The following RIPK2 variants were observed in gnomAD, a reference collection of about 807,000 sequenced individuals.
The protein encoded by RIPK2 is receptor-interacting serine/threonine-protein kinase 2.
In RIPK2, 38 loss-of-function variants were observed where a neutral mutation model predicts 60.9. The observed-to-expected ratio is 0.62, with a 90% CI of 0.48 to 0.82. The LOEUF (loss-of-function observed/expected upper bound fraction) is 0.82. Among genes scored for constraint, RIPK2 ranks in the 40% least tolerant of loss-of-function variants. The probability of loss-of-function intolerance (pLI) is 0.00; values close to 1 mark genes in which losing one functional copy is unlikely to be tolerated. For synonymous variants in RIPK2, 225 were observed against 223.4 expected (o/e 1.01, Z -0.06); for missense variants, 518 against 647.0 (o/e 0.80, Z 2.16).
At chr8:89,772,943 A>C in intron 6 of RIPK2, 115 bp downstream of exon 6, 1 of 611,968 alleles carries the variant, frequency 1.6e-6, no homozygotes, top group Admixed American at 3.9e-5. Flanking sequence ...AAGTTGTTTA[A>C]ATTATTTTCT....
chr8:89,782,686 ATTTGT>A (rs1402564411), intron 7 of RIPK2, among the ~76,000 whole-genome samples: 2 of 152,064 alleles, frequency 1.3e-5, no homozygotes, highest in Non-Finnish European at 2.9e-5. Flanking sequence ...TAGTAGGGAA[ATTTGT>A]TTTGAGTTTC....
chr8:89,773,036 A>C (rs567656868), intron 6 of RIPK2, among the ~76,000 whole-genome samples: 1 of 152,298 alleles, frequency 6.6e-6, no homozygotes, highest in South Asian at 2.1e-4. Flanking sequence ...ATCGTGTGAT[A>C]GGAGTAACAA....
At chr8:89,789,523 G>A in intron 10 of RIPK2, 41 bp downstream of exon 10, 1 of 1,566,170 alleles carries the variant, frequency 6.4e-7, no homozygotes. Context: ...TGATGCCATT[G>A]ACCTTACATA....
intron 5 of RIPK2, among the ~76,000 whole-genome samples, chr8:89,772,349 A>G (rs984281321): frequency 6.6e-6 from 1 of 152,006 alleles, no homozygotes; most frequent in Non-Finnish European, 1.5e-5. Flanking sequence ...TTTCTCATTC[A>G]CATTAAATAT....
At position 89,771,774 on chromosome 8, in the gene RIPK2, A is replaced by C. The variant is rs771367917; in HGVS notation, c.675A>C (p.Arg225Ser). The change falls in exon 5 of 11, where the codon AGA becomes AGC. Residue 225 changes from arginine (R) to serine (S), a missense_variant. Coordinates refer to ENST00000220751, the MANE Select transcript of RIPK2 (RefSeq NM_003821.6). ...TTATCACATGGGAAGTGTTATCCAG[A>C]AAACAGCCTTTTGAAGGTAAGTATG... ...YAVITWEVLSRKQPFEDVTNP... is the reference protein window; with the variant it reads ...YAVITWEVLSSKQPFEDVTNP... 6.2e-7 allele frequency: 1 copy of C among 1,605,110 alleles called. No homozygotes were observed. Among genetic ancestry groups the C allele is most frequent in the South Asian group, 1.1e-5 (1 of 90,320 alleles).
Position 89,779,310 on chromosome 8 carries a change from G to GTTTTTTTTTTTTTT in RIPK2, c.854-756_854-743dup, listed in dbSNP as rs55784154. Among the ~76,000 whole-genome samples the GTTTTTTTTTTTTTT allele has an allele frequency of 1.0e-4, 8 of 79,112 alleles. 1 individual carries two copies. The highest frequency in any genetic ancestry group is 1.1e-4 in the Non-Finnish European group (5 of 47,178). 51.9% of individuals were successfully genotyped at this position (79,112 alleles called of 152,430 possible). ...AGTCCAATTTTTAGGCGGTTTTTGG[G>GTTTTTTTTTTTTTT]TTTTTTTTTTTTTTTTTTTTTTGAG... On this transcript the variant is annotated intron_variant, in intron 6 of 10. Transcript: ENST00000220751.
chr8:89,763,123 A>C (rs1353311556), intron 2 of RIPK2, 141 bp downstream of exon 2: 1 of 519,160 alleles, frequency 1.9e-6, no homozygotes, highest in Non-Finnish European at 3.0e-6. Flanking sequence ...ACAGGGATAA[A>C]ATTTTACCTT....
chr8:89,771,795 G>T lies in RIPK2; in HGVS notation c.691+5G>T, dbSNP rs995733223. 1.3e-6 allele frequency: 2 copies of T among 1,596,724 alleles called. No individual in the cohort carries two copies. The highest frequency in any genetic ancestry group is 3.4e-5 in the Admixed American group (2 of 59,094). On this transcript the variant is annotated splice_donor_5th_base_variant and intron_variant, in intron 5 of 10. Coordinates refer to ENST00000220751, the MANE Select transcript of RIPK2 (RefSeq NM_003821.6). Reference sequence around the variant, plus strand: ...CCAGAAAACAGCCTTTTGAAGGTAAGTATGGTTTGACTTTTTTATGCTCAA... The same window carrying T: ...CCAGAAAACAGCCTTTTGAAGGTAATTATGGTTTGACTTTTTTATGCTCAA...
intron 3 of RIPK2, 55 bp downstream of exon 3, chr8:89,765,551 C>G: frequency 8.1e-7 from 1 of 1,240,438 alleles, no homozygotes; most frequent in East Asian, 2.4e-5. Context: ...TTTAAAAATA[C>G]TTTTTAGTTA....
chr8:89,758,221 C>G lies in RIPK2; in HGVS notation c.161C>G (p.Pro54Arg). ...VAVKHLHIHT[P>R]LLDSERKDVL... Reference sequence around the variant, plus strand: ...GTGAAGCACCTGCACATCCACACTCCGCTGCTCGACAGGTAGGCAGTCACT... The same window carrying G: ...GTGAAGCACCTGCACATCCACACTCGGCTGCTCGACAGGTAGGCAGTCACT... The change falls in exon 1 of 11, where the codon CCG (proline) becomes CGG (arginine). Residue 54 changes from proline to arginine, a missense_variant. Physicochemically the swap from Pro to Arg is moderately radical, Grantham distance 103 (BLOSUM62 -2). Around this residue, in one of 3 missense-constraint regions of RIPK2, gnomAD observed 448 missense variants for 534.7 expected, o/e 0.84. Transcript: ENST00000220751. 3 of 1,606,348 alleles carry G rather than the reference C, an allele frequency of 1.9e-6. No individual in the cohort carries two copies.
chr8:89,785,203 G>A (rs1026850475), intron 8 of RIPK2, among the ~76,000 whole-genome samples: 18 of 152,256 alleles, frequency 1.2e-4, no homozygotes, highest in Non-Finnish European at 2.4e-4. Context: ...GGGTGGACAC[G>A]ATGGCTCAAG....
At chr8:89,781,949 G>A (rs1342068671) in intron 7 of RIPK2, among the ~76,000 whole-genome samples, 2 of 152,110 alleles carry the variant, frequency 1.3e-5, no homozygotes, top group African/African-American at 4.8e-5. Context: ...AGTAATAAGA[G>A]TTATTTGAAC....
chr8:89,757,991 C>T lies in RIPK2; in HGVS notation c.-70C>T. 1 of 1,459,988 alleles carries T rather than the reference C, an allele frequency of 6.8e-7. No individual in the cohort carries two copies. Among genetic ancestry groups the T allele is most frequent in the Non-Finnish European group, 9.1e-7 (1 of 1,103,468 alleles). The allele number at this position is 1,459,988 out of a possible 1,614,324, so 90.4% of individuals were successfully genotyped here. ...GCAGGGGCGTATCTGGGCGCCTGAG[C>T]GCGGCGTGGGAGCCTTGGGAGCCGC... On this transcript the variant is annotated 5_prime_UTR_variant, in exon 1 of 11. Transcript: ENST00000220751.
rs1809654460 is a variant in RIPK2 at position 89,790,223 on chromosome 8, T to C, written c.1430T>C (p.Val477Ala). The C allele has an allele frequency of 1.2e-6, 2 of 1,613,976 alleles. No individual in the cohort carries two copies. The highest frequency in any genetic ancestry group is 1.7e-5 in the Admixed American group (1 of 59,982). The change falls in exon 11 of 11, where the codon GTT becomes GCT. Residue 477 changes from valine (V) to alanine (A), a missense_variant. Val to Ala is a moderately conservative substitution (Grantham distance 64, BLOSUM62 0). This residue lies in a region of RIPK2 where 29 missense variants were observed against 68.6 expected (regional missense o/e 0.42). Transcript: ENST00000220751. ...ATCATGAAAGAGGACTATGAACTTG[T>C]TAGTACCAAGCCTACAAGGACCTCA... ...DLIMKEDYEL[V>A]STKPTRTSKV...
In RIPK2 at chr8:89,779,472, G is replaced by A. The variant is rs142501240; in HGVS notation, c.854-603G>A. Among the ~76,000 whole-genome samples, 249 of 151,792 alleles carry A rather than the reference G, an allele frequency of 1.6e-3. 2 individuals are homozygous for A. Among genetic ancestry groups the A allele is most frequent in the Middle Eastern group, 6.8e-3 (2 of 294 alleles). ...TGGGACTGCAGGTGCCCGCCACCAC[G>A]CCCAGCTAATTTTCTTTTTTTGTAT... On this transcript the variant is annotated intron_variant, in intron 6 of 10. Coordinates refer to ENST00000220751, the MANE Select transcript of RIPK2 (RefSeq NM_003821.6).
chr8:89,786,088 C>T lies in RIPK2; in HGVS notation c.1030-505C>T, dbSNP rs567187334. Among the ~76,000 whole-genome samples the T allele has an allele frequency of 1.1e-4, 17 of 152,270 alleles. 1 individual carries two copies. Among genetic ancestry groups the T allele is most frequent in the Admixed American group, 2.0e-4 (3 of 15,294 alleles). ...CTAATGTTTCATTATTCCCCTATTT[C>T]GCCCATTTGTGTTAATTAAGAAAAT... On this transcript the variant is annotated intron_variant, in intron 8 of 10. Coordinates refer to ENST00000220751, the MANE Select transcript of RIPK2 (RefSeq NM_003821.6).
chr8:89,780,253 A>ATG, intron 7 of RIPK2, 93 bp downstream of exon 7: 1 of 646,762 alleles, frequency 1.5e-6, no homozygotes, highest in South Asian at 2.1e-5. Context: ...TTTAATATAT[A>ATG]TACTTTACAC....
At position 89,765,406 on chromosome 8, in the gene RIPK2, T is replaced by A; in HGVS notation, c.393T>A (p.Gly131=). ...RFRILHEIAL[G]VNYLHNMTPP... ...GCATCCTGCATGAAATTGCCCTTGG[T>A]GTAAATTACCTGCACAATATGACTC... The change falls in exon 3 of 11, where the codon GGT becomes GGA. Residue 131 remains glycine, a synonymous_variant. Transcript: ENST00000220751. 6.2e-7 allele frequency: 1 copy of A among 1,606,774 alleles called. No individual in the cohort carries two copies. The highest frequency in any genetic ancestry group is 1.1e-5 in the South Asian group (1 of 90,806).
intron 1 of RIPK2, among the ~76,000 whole-genome samples, chr8:89,761,808 C>CAGGCTT (rs1809150732): frequency 6.6e-6 from 1 of 152,098 alleles, no homozygotes; most frequent in Non-Finnish European, 1.5e-5. Context: ...TTTCACCACC[C>CAGGCTT]TAACCAGGCT....
Sources: allele counts gnomAD v4.1 joint callset (sites outside exome capture counted in the v4.1 genomes callset), GRCh38; gene constraint gnomAD v4.1.1; regional missense constraint gnomAD v4.1.1; transcripts MANE v1.5; gene names NCBI Gene and HGNC (gene_info 2026-07-23, HGNC 2026-07-21).